The following KMT2C variants were observed in gnomAD, a reference collection of about 807,000 sequenced individuals.
The protein encoded by KMT2C is lysine methyltransferase 2C.
KMT2C carries 88 observed loss-of-function variants against 507.9 expected under a neutral mutation model. The observed-to-expected ratio is 0.17, with a 90% CI of 0.15 to 0.21. The LOEUF (loss-of-function observed/expected upper bound fraction) is 0.21. Among genes scored for constraint, KMT2C ranks in the 10% least tolerant of loss-of-function variants. KMT2C has a pLI of 1.00. For missense variants in KMT2C, 4,954 were observed against 5,957.8 expected, an observed-to-expected ratio of 0.83 and a Z score of 5.55; for synonymous variants, 2,049 against 2,080.8, an observed-to-expected ratio of 0.98 and a Z score of 0.42.
chr7:152,276,212 A>G (rs887352214), intron 6 of KMT2C, among the ~76,000 whole-genome samples: 17 of 152,236 alleles, frequency 1.1e-4, no homozygotes, highest in African/African-American at 3.9e-4. Flanking sequence ...CTCGGCATTA[A>G]AAGAAAATGT....
chr7:152,160,563 C>T (rs1419652618), intron 43 of KMT2C, among the ~76,000 whole-genome samples: 1 of 151,492 alleles, frequency 6.6e-6, no homozygotes, highest in African/African-American at 2.4e-5. Context: ...GATGTGGATG[C>T]TGCGGATCCC....
At chr7:152,311,684 T>G in intron 5 of KMT2C, 114 bp downstream of exon 5, 1 of 747,140 alleles carries the variant, frequency 1.3e-6, no homozygotes, top group Non-Finnish European at 2.0e-6. Context: ...TTTTATAGTA[T>G]GATTATAATT....
At chr7:152,386,707 G>GTGTT (rs2097431344) in intron 1 of KMT2C, among the ~76,000 whole-genome samples, 1 of 152,300 alleles carries the variant, frequency 6.6e-6, no homozygotes, top group Non-Finnish European at 1.5e-5. Context: ...AACTGTTACT[G>GTGTT]TGTTACTCTT....
Position 152,174,136 on chromosome 7 carries a change from C to T in KMT2C, c.9369G>A (p.Met3123Ile), listed in dbSNP as rs2129110791. 2.5e-6 allele frequency: 4 copies of T among 1,577,460 alleles called. No homozygotes were observed. The highest frequency in any genetic ancestry group is 3.5e-6 in the Non-Finnish European group (4 of 1,152,868). Residue 3123 changes from methionine to isoleucine, a missense_variant, in exon 39 of 59, where the codon ATG becomes ATA. Transcript: ENST00000262189. The stretch of plus-strand genomic sequence containing the variant: ...CAAGCAGCCACTCCACCTACCTGCT[C>T]ATCACCATTGGTGGCATGCCCAGAT... ...QNNLGMPPMV[M>I]SRFPFMGQVV... is the part of the protein sequence containing the mutation.
At position 152,331,244 on chromosome 7, in the gene KMT2C, A is replaced by G. The variant is rs1405745655; in HGVS notation, c.251-505T>C. ...GATATGCCTTGAACCTGGGAGCCAG[A>G]GGCTGCAGTGAGCTGGGATCGTGCC... On this transcript the variant is annotated intron_variant, in intron 2 of 58. Transcript: ENST00000262189. Among the ~76,000 whole-genome samples, 4 of 152,036 alleles carry G rather than the reference A, an allele frequency of 2.6e-5. No homozygotes were observed. The East Asian group carries it at 7.7e-4, about 29-fold the overall frequency.
chr7:152,347,862 C>A (rs750036246), intron 2 of KMT2C, among the ~76,000 whole-genome samples: 4 of 151,984 alleles, frequency 2.6e-5, no homozygotes, highest in Non-Finnish European at 5.9e-5. Flanking sequence ...CAAATTGTCA[C>A]GAATCTCCAC....
chr7:152,338,240 C>G (rs1276343154), intron 2 of KMT2C, among the ~76,000 whole-genome samples: 2 of 152,084 alleles, frequency 1.3e-5, no homozygotes, highest in African/African-American at 4.8e-5. Context: ...ATAAAGAAGA[C>G]ATTTATTTAG....
chr7:152,331,851 G>A (rs1036644855), intron 2 of KMT2C, among the ~76,000 whole-genome samples: 10 of 151,572 alleles, frequency 6.6e-5, no homozygotes, highest in Admixed American at 6.6e-5. Flanking sequence ...GTTTCACCAC[G>A]TTGGCCAGGC....
At chr7:152,164,517 C>A (rs1333588164) in intron 42 of KMT2C, among the ~76,000 whole-genome samples, 1 of 151,928 alleles carries the variant, frequency 6.6e-6, no homozygotes, top group Non-Finnish European at 1.5e-5. Context: ...TCTCGATCTC[C>A]TGACCTCGTG....
At chr7:152,147,599 C>T (rs1246649133) in intron 52 of KMT2C, among the ~76,000 whole-genome samples, 4 of 149,706 alleles carry the variant, frequency 2.7e-5, no homozygotes, top group African/African-American at 7.4e-5. Context: ...CCCAGCTACT[C>T]GGGAGGCTGA....
At chr7:152,255,119 A>G (rs1346053216) in intron 9 of KMT2C, among the ~76,000 whole-genome samples, 2 of 101,604 alleles carry the variant, frequency 2.0e-5, no homozygotes, top group African/African-American at 6.4e-5. Context: ...TTATATATAT[A>G]TATATATATA....
intron 9 of KMT2C, among the ~76,000 whole-genome samples, chr7:152,253,666 G>A (rs2095600430): frequency 6.6e-6 from 1 of 152,042 alleles, no homozygotes. Flanking sequence ...TCAAGCCTGG[G>A]CAACAATGTG....
chr7:152,347,348 C>A (rs879565662), intron 2 of KMT2C, among the ~76,000 whole-genome samples: 5 of 152,112 alleles, frequency 3.3e-5, no homozygotes, highest in Admixed American at 3.3e-4. Flanking sequence ...TCATTAGTGG[C>A]ACTTCATATG....
chr7:152,304,264 G>T (rs1014721374), intron 6 of KMT2C, among the ~76,000 whole-genome samples: 2 of 152,036 alleles, frequency 1.3e-5, no homozygotes, highest in African/African-American at 4.8e-5. Flanking sequence ...GATCTAATTA[G>T]AAGTAGTACA....
intron 1 of KMT2C, among the ~76,000 whole-genome samples, chr7:152,385,795 AT>A (rs2097420988): frequency 6.6e-6 from 1 of 151,482 alleles, no homozygotes; most frequent in South Asian, 2.1e-4. Flanking sequence ...ACGATATCAC[AT>A]TATGCCTGAG....
intron 1 of KMT2C, among the ~76,000 whole-genome samples, chr7:152,413,918 GA>G (rs1270689764): frequency 6.9e-6 from 1 of 144,116 alleles, no homozygotes; most frequent in Non-Finnish European, 1.5e-5. Context: ...AAGTCATTTA[GA>G]AAATGTATGA....
Position 152,187,284 on chromosome 7 carries a change from G to C in KMT2C, c.4986C>G (p.Pro1662=), listed in dbSNP as rs146275250. The C allele has an allele frequency of 4.9e-4, 791 of 1,613,574 alleles. 2 individuals carry two copies. Among genetic ancestry groups the C allele is most frequent in the Non-Finnish European group, 5.7e-4 (676 of 1,179,572 alleles). Reference sequence around the variant, plus strand: ...TACCAGGGAATTCTTCCTTTAAGTTGGGGAAATTAATATTGGTGTAGAGAA... The same window carrying C: ...TACCAGGGAATTCTTCCTTTAAGTTCGGGAAATTAATATTGGTGTAGAGAA... The part of the protein sequence containing the change: ...APVLYTNINF[P]NLKEEFPDWT... Residue 1662 remains proline (P), a synonymous_variant, in exon 33 of 59, where the codon CCC becomes CCG. Coordinates refer to ENST00000262189, the MANE Select transcript of KMT2C (RefSeq NM_170606.3).
chr7:152,297,049 GAAAGAC>G lies in KMT2C; in HGVS notation c.849+12911_849+12916del, dbSNP rs1261088370. 3.3e-3 allele frequency among the ~76,000 whole-genome samples: 282 copies of G among 85,478 alleles called. 2 individuals are homozygous for G. The highest frequency in any genetic ancestry group is 8.1e-3 in the African/African-American group (142 of 17,630). 56.1% of individuals were successfully genotyped at this position (85,478 alleles called of 152,430 possible). On this transcript the variant is annotated intron_variant, in intron 6 of 58. Transcript: ENST00000262189. The stretch of plus-strand genomic sequence containing the variant: ...AGAAAGAAAGAAAGAAAGAAAGAAA[GAAAGAC>G]AGAGAGAGAGAGAGAGAGAGAGAGA...
At chr7:152,140,133 TGTG>T (rs1467686310) in intron 55 of KMT2C, among the ~76,000 whole-genome samples, 1 of 152,198 alleles carries the variant, frequency 6.6e-6, no homozygotes, top group Admixed American at 6.5e-5. Context: ...CTTATTGACT[TGTG>T]GTGTTTATTT....
Sources: allele counts gnomAD v4.1 joint callset (sites outside exome capture counted in the v4.1 genomes callset), GRCh38; gene constraint gnomAD v4.1.1; transcripts MANE v1.5; gene names NCBI Gene and HGNC (gene_info 2026-07-23, HGNC 2026-07-21).